The following ZCCHC7 variants were observed in gnomAD, a reference collection of about 807,000 sequenced individuals.
The protein encoded by ZCCHC7 is zinc finger CCHC-type containing 7, also known as zinc finger CCHC domain-containing protein 7.
ZCCHC7 carries 35 observed loss-of-function variants against 52.0 expected under a neutral mutation model. The observed-to-expected ratio is 0.67, with a 90% CI of 0.51 to 0.89. The LOEUF (loss-of-function observed/expected upper bound fraction) is 0.89. Ranked by LOEUF, ZCCHC7 falls within the 40% of genes least tolerant of loss-of-function variation. The pLI is 0.00. For synonymous variants in ZCCHC7, 217 were observed against 221.5 expected, an observed-to-expected ratio of 0.98 and a Z score of 0.18; for missense variants, 574 against 649.1, an observed-to-expected ratio of 0.88 and a Z score of 1.26.
intron 2 of ZCCHC7, among the ~76,000 whole-genome samples, chr9:37,272,569 T>G (rs1425748041): frequency 6.6e-6 from 1 of 151,724 alleles, no homozygotes; most frequent in Non-Finnish European, 1.5e-5. Context: ...CACCACATAC[T>G]TCATTCCTCC....
chr9:37,200,252 A>G (rs780576725), intron 2 of ZCCHC7, among the ~76,000 whole-genome samples: 2 of 147,666 alleles, frequency 1.4e-5, no homozygotes, highest in Admixed American at 6.7e-5. Flanking sequence ...TCCTTTTTTC[A>G]CTCTTCACTG....
chr9:37,135,049 A>G (rs554000038), intron 2 of ZCCHC7, among the ~76,000 whole-genome samples: 1 of 152,270 alleles, frequency 6.6e-6, no homozygotes, highest in East Asian at 1.9e-4. Context: ...AAATAGTGGC[A>G]TACTATCTAC....
intron 2 of ZCCHC7, among the ~76,000 whole-genome samples, chr9:37,202,662 TG>T (rs1239338324): frequency 1.3e-5 from 2 of 152,130 alleles, no homozygotes; most frequent in East Asian, 3.9e-4. Context: ...TAAATTTTTT[TG>T]TAGAGATGGG....
intron 2 of ZCCHC7, among the ~76,000 whole-genome samples, chr9:37,239,692 A>G (rs540147058): frequency 3.5e-4 from 53 of 152,148 alleles, no homozygotes; most frequent in Non-Finnish European, 5.9e-4. Flanking sequence ...TCATCACAGG[A>G]TAGTTAGAAA....
At chr9:37,205,870 G>T (rs1222922856) in intron 2 of ZCCHC7, among the ~76,000 whole-genome samples, 5 of 151,514 alleles carry the variant, frequency 3.3e-5, no homozygotes, top group African/African-American at 4.8e-5. Flanking sequence ...TTGTACAATT[G>T]TGGATTTGTT....
chr9:37,136,773 G>A (rs1843015428), intron 2 of ZCCHC7, among the ~76,000 whole-genome samples: 1 of 151,976 alleles, frequency 6.6e-6, no homozygotes, highest in African/African-American at 2.4e-5. Flanking sequence ...CACCGCCCTG[G>A]CCCCACTTGA....
chr9:37,168,596 T>C (rs1279367272), intron 2 of ZCCHC7, among the ~76,000 whole-genome samples: 2 of 152,180 alleles, frequency 1.3e-5, no homozygotes, highest in African/African-American at 4.8e-5. Flanking sequence ...TAAAATTAAA[T>C]TATGTAAACA....
intron 2 of ZCCHC7, among the ~76,000 whole-genome samples, chr9:37,215,801 T>TA (rs1238503988): frequency 2.0e-5 from 3 of 152,208 alleles, no homozygotes; most frequent in Admixed American, 6.5e-5. Context: ...AAGATTAAAA[T>TA]AAAAATGAAT....
At chr9:37,299,216 T>A (rs901246253) in intron 2 of ZCCHC7, among the ~76,000 whole-genome samples, 5 of 152,188 alleles carry the variant, frequency 3.3e-5, no homozygotes, top group African/African-American at 1.2e-4. Flanking sequence ...GGTGGACACA[T>A]GGAAGATGAG....
chr9:37,133,857 A>G (rs1588353952), intron 2 of ZCCHC7, among the ~76,000 whole-genome samples: 2 of 152,228 alleles, frequency 1.3e-5, no homozygotes, highest in African/African-American at 4.8e-5. Flanking sequence ...CCAAAGTGCC[A>G]GAATTATAGG....
At chr9:37,149,360 A>G (rs1053865538) in intron 2 of ZCCHC7, among the ~76,000 whole-genome samples, 3 of 152,182 alleles carry the variant, frequency 2.0e-5, no homozygotes, top group African/African-American at 4.8e-5. Context: ...AATATCCCAA[A>G]CATTGTACAC....
chr9:37,301,611 A>G (rs552196827), intron 2 of ZCCHC7, among the ~76,000 whole-genome samples: 1 of 152,280 alleles, frequency 6.6e-6, no homozygotes, highest in South Asian at 2.1e-4. Flanking sequence ...AAAAAAAACA[A>G]GAAGTAAGGG....
chr9:37,141,980 A>G (rs1000162697), intron 2 of ZCCHC7, among the ~76,000 whole-genome samples: 2 of 151,826 alleles, frequency 1.3e-5, no homozygotes, highest in Non-Finnish European at 2.9e-5. Flanking sequence ...TCTGTTCCCA[A>G]CATCTCCCCA....
chr9:37,175,335 T>C (rs573486134), intron 2 of ZCCHC7, among the ~76,000 whole-genome samples: 1 of 152,288 alleles, frequency 6.6e-6, no homozygotes, highest in Non-Finnish European at 1.5e-5. Flanking sequence ...TTGTTTTTGT[T>C]CTGGCAGCTC....
Position 37,222,278 on chromosome 9 carries a change from A to T in ZCCHC7, c.611-79910A>T, listed in dbSNP as rs1001732908. On this transcript the variant is annotated intron_variant, in intron 2 of 8. Transcript: ENST00000336755. ...TTAAATTTGATGATAAGCTTATAAC[A>T]GTTAAGATAACATAGAACAGGCCAA... Among the ~76,000 whole-genome samples, 3 of 151,508 alleles carry T rather than the reference A, an allele frequency of 2.0e-5. No homozygotes were observed. The South Asian group carries it at 6.2e-4, about 32-fold the overall frequency.
At chr9:37,135,791 T>C (rs775469281) in intron 2 of ZCCHC7, among the ~76,000 whole-genome samples, 2 of 152,218 alleles carry the variant, frequency 1.3e-5, no homozygotes, top group Non-Finnish European at 2.9e-5. Context: ...TCAACACTTA[T>C]GGCAGAAAGT....
intron 2 of ZCCHC7, among the ~76,000 whole-genome samples, chr9:37,277,259 T>C: frequency 6.6e-6 from 1 of 152,220 alleles, no homozygotes; most frequent in Non-Finnish European, 1.5e-5. Context: ...AATTCTACTC[T>C]GGATGAAGCT....
At chr9:37,347,050 A>C (rs1821026262) in intron 6 of ZCCHC7, among the ~76,000 whole-genome samples, 1 of 152,194 alleles carries the variant, frequency 6.6e-6, no homozygotes, top group African/African-American at 2.4e-5. Flanking sequence ...TCAATAAACA[A>C]CATAAGAAAT....
At position 37,304,192 on chromosome 9, in the gene ZCCHC7, AGATAGCTAATAACCG is replaced by A. The variant is rs766561255; in HGVS notation, c.660_674del (p.Ile221_Arg225del). On this transcript the variant is annotated inframe_deletion, in exon 4 of 9. Transcript: ENST00000336755. ...CTTGATTTTTTTTTCCCTTAGGCCC[AGATAGCTAATAACCG>A]AACACCTGGAAGATGGACCCAGCGG... 1 of 1,607,430 alleles carries A rather than the reference AGATAGCTAATAACCG, an allele frequency of 6.2e-7. No homozygotes were observed. Among genetic ancestry groups the A allele is most frequent in the Admixed American group, 1.7e-5 (1 of 58,732 alleles).
Sources: gnomAD v4.1 joint callset for allele counts (sites outside exome capture counted in the v4.1 genomes callset) on GRCh38, gnomAD v4.1.1 for gene constraint, MANE v1.5 for transcripts, NCBI Gene and HGNC (gene_info 2026-07-23, HGNC 2026-07-21) for gene names.